CTR9: variants seen among roughly 807,000 people sequenced by gnomAD.
CTR9 encodes RNA polymerase-associated protein CTR9 homolog.
A neutral mutation model predicts 152.1 loss-of-function variants in CTR9; 41 were observed. The ratio of observed to expected loss-of-function variants is 0.27; its 90% CI spans 0.21 to 0.35. CTR9 has a LOEUF of 0.35. Ranked by LOEUF, CTR9 falls within the 10% of genes least tolerant of loss-of-function variation. The pLI is 1.00. For missense variants in CTR9, 917 were observed against 1,424.4 expected, an observed-to-expected ratio of 0.64 and a Z score of 5.73; for synonymous variants, 476 against 496.2, an observed-to-expected ratio of 0.96 and a Z score of 0.54.
At chr11:10,775,442 CATTGT>C (rs1863217209) in intron 23 of CTR9, 74 bp from the exon 24 acceptor site, 12 of 1,374,484 alleles carry the variant, frequency 8.7e-6, no homozygotes. Context: ...TTGATTGTAT[CATTGT>C]AATGCAAACC....
At chr11:10,772,734 C>T (rs11042957) in intron 20 of CTR9, 79 bp downstream of exon 20, 1 of 1,371,548 alleles carries the variant, frequency 7.3e-7, no homozygotes, top group Non-Finnish European at 9.7e-7. Context: ...AAAAAAAAGT[C>T]CTCTGCCAGG....
rs778049187 is a variant in CTR9, at chr11:10,754,946, A to G, written c.145-12A>G. 1 of 1,609,818 alleles carries G rather than the reference A, an allele frequency of 6.2e-7. No homozygotes were observed. Among genetic ancestry groups the G allele is most frequent in the African/African-American group, 1.3e-5 (1 of 74,708 alleles). ...TGCTTTAGTGATTCTAATTTGTTTC[A>G]TTACCTTATAGCTGGAATACTACAA... On this transcript the variant is annotated splice_polypyrimidine_tract_variant and intron_variant, in intron 2 of 24. Coordinates refer to ENST00000361367, the MANE Select transcript of CTR9 (RefSeq NM_014633.5).
intron 6 of CTR9, 86 bp downstream of exon 6, chr11:10,760,407 C>T: frequency 1.6e-6 from 2 of 1,289,952 alleles, no homozygotes; most frequent in Non-Finnish European, 2.2e-6. Context: ...CCAGATGTGT[C>T]TTAGAAATTA....
intron 16 of CTR9, among the ~76,000 whole-genome samples, chr11:10,769,445 G>C (rs894389355): frequency 6.6e-6 from 1 of 152,162 alleles, no homozygotes; most frequent in Non-Finnish European, 1.5e-5. Flanking sequence ...CTCCTGAGAA[G>C]TGGTTTACCT....
chr11:10,764,475 C>A, intron 11 of CTR9, 39 bp downstream of exon 11: 1 of 1,149,416 alleles, frequency 8.7e-7, no homozygotes, highest in South Asian at 1.6e-5. Flanking sequence ...TATACTGAAT[C>A]AAGTTGCATG....
At chr11:10,761,300 G>C (rs1862972428) in intron 6 of CTR9, among the ~76,000 whole-genome samples, 1 of 152,196 alleles carries the variant, frequency 6.6e-6, no homozygotes, top group Non-Finnish European at 1.5e-5. Flanking sequence ...GCCTGGGGAA[G>C]GGGGGAAGGG....
In CTR9 at chr11:10,772,654, A is replaced by G. The variant is rs558493826; in HGVS notation, c.2579A>G (p.Gln860Arg). Residue 860 changes from glutamine (Q) to arginine (R), a missense_variant and splice_region_variant, in exon 20 of 25, where the codon CAG becomes CGG. Transcript: ENST00000361367. ...ELLRQKLLKE[Q>R]EEKRLREKEE... ...TTAAGGCAGAAACTTCTTAAAGAAC[A>G]GGTATCTTGTATTTTCCAGTTATAC... 1 of 1,596,368 alleles carries G rather than the reference A, an allele frequency of 6.3e-7. No individual in the cohort carries two copies. Among genetic ancestry groups the G allele is most frequent in the Non-Finnish European group, 8.5e-7 (1 of 1,173,688 alleles).
intron 24 of CTR9, among the ~76,000 whole-genome samples, chr11:10,777,448 C>T (rs752174197): frequency 2.0e-5 from 3 of 152,076 alleles, no homozygotes; most frequent in Admixed American, 1.3e-4. Flanking sequence ...CTGAAGGCAC[C>T]GGCTGACACA....
Position 10,773,279 on chromosome 11 carries a change from A to G in CTR9, c.2727+6A>G. ...GAGGTGGTGGTGGTGGACGGGTAAG[A>G]TATAATTCCTGCTAGCACAAGTGAC... On this transcript the variant is annotated splice_donor_region_variant and intron_variant, in intron 21 of 24. Coordinates refer to ENST00000361367, the MANE Select transcript of CTR9 (RefSeq NM_014633.5). The G allele has an allele frequency of 6.2e-7, 1 of 1,609,810 alleles. No individual in the cohort carries two copies.
chr11:10,762,338 G>A lies in CTR9; in HGVS notation c.849+284G>A, dbSNP rs2029891. Among the ~76,000 whole-genome samples the A allele has an allele frequency of 1, 152,170 of 152,334 alleles. 76,003 individuals are homozygous for A. The highest frequency in any genetic ancestry group is 1 in the Middle Eastern group (294 of 294). ...CTCAAGGAGTTCAATTTCATAGAAA[G>A]AGCAGCCATGTAAACAAATGTAAGT... is the stretch of plus-strand genomic sequence containing the variant. On this transcript the variant is annotated intron_variant, in intron 7 of 24. Coordinates refer to ENST00000361367, the MANE Select transcript of CTR9 (RefSeq NM_014633.5).
At chr11:10,752,879 C>T in intron 2 of CTR9, 109 bp downstream of exon 2, 1 of 808,764 alleles carries the variant, frequency 1.2e-6, no homozygotes, top group Non-Finnish European at 2.1e-6. Flanking sequence ...ATTAGTTATA[C>T]CATGTGTATG....
intron 16 of CTR9, among the ~76,000 whole-genome samples, chr11:10,769,200 C>T (rs1012575735): frequency 2.0e-5 from 3 of 151,112 alleles, no homozygotes; most frequent in African/African-American, 7.3e-5. Flanking sequence ...CTAGCCTGGG[C>T]GACAAAGCCA....
Position 10,768,031 on chromosome 11 carries a change from A to G in CTR9, c.1872+40A>G, listed in dbSNP as rs78371868. ...TCCTTTTAAACAAAACTGATACTCT[A>G]CATTCTCGTTTGAATCTTTTTTAAG... On this transcript the variant is annotated intron_variant, in intron 14 of 24. Coordinates refer to ENST00000361367, the MANE Select transcript of CTR9 (RefSeq NM_014633.5). The G allele has an allele frequency of 6.0e-4, 971 of 1,613,510 alleles. 11 individuals carry two copies. The African/African-American group carries it at 0.012, about 19-fold the overall frequency.
At chr11:10,760,117 TAA>T in intron 5 of CTR9, 54 bp from the exon 6 acceptor site, 1 of 1,586,122 alleles carries the variant, frequency 6.3e-7, no homozygotes, top group Non-Finnish European at 8.6e-7. Flanking sequence ...AGCATTTTTG[TAA>T]TTGAACTCTA....
At chr11:10,773,377 C>T (rs182488746) in intron 21 of CTR9, 104 bp downstream of exon 21, 52 of 1,387,992 alleles carry the variant, frequency 3.7e-5, no homozygotes, top group Non-Finnish European at 5.0e-5. Context: ...CTAGTTTTGA[C>T]TTCCTCTTTT....
intron 24 of CTR9, among the ~76,000 whole-genome samples, chr11:10,777,121 G>T (rs1357677824): frequency 1.3e-5 from 2 of 152,110 alleles, no homozygotes; most frequent in Non-Finnish European, 2.9e-5. Context: ...AAAAGAAAGG[G>T]TGTTTGAGTT....
intron 2 of CTR9, among the ~76,000 whole-genome samples, chr11:10,753,980 G>C (rs1862845295): frequency 6.6e-6 from 1 of 152,188 alleles, no homozygotes; most frequent in Non-Finnish European, 1.5e-5. Flanking sequence ...GTACAGATTA[G>C]AGAATATGTG....
intron 5 of CTR9, among the ~76,000 whole-genome samples, chr11:10,757,098 A>G (rs1862897145): frequency 6.6e-6 from 1 of 152,206 alleles, no homozygotes; most frequent in Non-Finnish European, 1.5e-5. Flanking sequence ...CAGCCTGGGC[A>G]ACGTAGTAAG....
At chr11:10,755,487 G>A (rs1405229389) in intron 3 of CTR9, among the ~76,000 whole-genome samples, 191 bp from the exon 4 acceptor site, 1 of 152,166 alleles carries the variant, frequency 6.6e-6, no homozygotes, top group Non-Finnish European at 1.5e-5. Context: ...GTTGTTATTG[G>A]CACAGAAGAC....
Sources: allele counts gnomAD v4.1 joint callset (sites outside exome capture counted in the v4.1 genomes callset), GRCh38; gene constraint gnomAD v4.1.1; transcripts MANE v1.5; gene names NCBI Gene and HGNC (gene_info 2026-07-23, HGNC 2026-07-21).